SRGAP1: variants seen among roughly 807,000 people sequenced by gnomAD.
SRGAP1 encodes the protein SLIT-ROBO Rho GTPase-activating protein 1.
SRGAP1 carries 43 observed loss-of-function variants against 121.9 expected under a neutral mutation model. That is an observed-to-expected ratio of 0.35 (90% CI 0.28 to 0.46). The LOEUF is 0.46. SRGAP1 is among the 20% of genes least tolerant of loss of function. The probability of loss-of-function intolerance (pLI) is 1.00; values close to 1 mark genes in which losing one functional copy is unlikely to be tolerated. For synonymous variants in SRGAP1, 447 were observed against 485.4 expected, an observed-to-expected ratio of 0.92 and a Z score of 1.04; for missense variants, 1,102 against 1,350.9, an observed-to-expected ratio of 0.82 and a Z score of 2.89.
At chr12:63,948,220 A>G (rs995787495) in intron 1 of SRGAP1, among the ~76,000 whole-genome samples, 1 of 152,190 alleles carries the variant, frequency 6.6e-6, no homozygotes, top group Non-Finnish European at 1.5e-5. Flanking sequence ...AGTTACCATT[A>G]TCACCATCCT....
At position 63,948,857 on chromosome 12, in the gene SRGAP1, T is replaced by TATATATATTCCATATATATATTTTCC. The variant is rs2032144077; in HGVS notation, c.68-35081_68-35056dup. The stretch of plus-strand genomic sequence containing the variant: ...ATATTCCATATATATATTTTCCATA[T>TATATATATTCCATATATATATTTTCC]ATATATATTCCATATATATATTTTC... On this transcript the variant is annotated intron_variant, in intron 1 of 21. Transcript: ENST00000355086. Among the ~76,000 whole-genome samples the TATATATATTCCATATATATATTTTCC allele has an allele frequency of 5.2e-5, 7 of 135,902 alleles. 1 individual carries two copies. The highest frequency in any genetic ancestry group is 9.5e-5 in the Non-Finnish European group (6 of 63,316). The allele number at this position is 135,902 out of a possible 152,430, so 89.2% of individuals were successfully genotyped here. A position where few individuals can be genotyped will look rare whatever the true frequency, so the allele number is the denominator to read the frequency against.
chr12:64,114,800 C>T (rs1436582790), intron 17 of SRGAP1, among the ~76,000 whole-genome samples: 2 of 152,174 alleles, frequency 1.3e-5, no homozygotes, highest in African/African-American at 4.8e-5. Flanking sequence ...GAGTAAAGCT[C>T]CCATGACAGT....
chr12:64,078,833 C>T, intron 8 of SRGAP1, 86 bp from the exon 9 acceptor site: 1 of 1,426,526 alleles, frequency 7.0e-7, no homozygotes, highest in Non-Finnish European at 9.6e-7. Flanking sequence ...CCTGTGTCCT[C>T]ATCTCTACCT....
intron 6 of SRGAP1, among the ~76,000 whole-genome samples, chr12:64,045,137 A>G (rs1175047242): frequency 1.3e-5 from 2 of 152,290 alleles, no homozygotes; most frequent in East Asian, 3.9e-4. Context: ...TCATTCAAGT[A>G]ATCACTTGAT....
chr12:63,977,745 T>A (rs1199099051), intron 1 of SRGAP1, among the ~76,000 whole-genome samples: 1 of 152,186 alleles, frequency 6.6e-6, no homozygotes, highest in Non-Finnish European at 1.5e-5. Context: ...CTTGTTGGAT[T>A]ATTGGTATTG....
intron 1 of SRGAP1, among the ~76,000 whole-genome samples, chr12:63,919,527 T>TATATATATATATATATATATATATAA (rs1238483459): frequency 6.8e-6 from 1 of 146,376 alleles, no homozygotes. Context: ...TATATACACA[T>TATATATATATATATATATATATATAA]ACACACACAC....
intron 1 of SRGAP1, among the ~76,000 whole-genome samples, chr12:63,862,857 C>T (rs1213999396): frequency 1.3e-5 from 2 of 152,146 alleles, no homozygotes; most frequent in African/African-American, 4.8e-5. Flanking sequence ...AATTATAATC[C>T]TCAAGCACCA....
intron 1 of SRGAP1, among the ~76,000 whole-genome samples, chr12:63,868,330 G>A (rs550929480): frequency 2.0e-5 from 3 of 151,814 alleles, no homozygotes; most frequent in Non-Finnish European, 4.4e-5. Flanking sequence ...TGATCCGCCC[G>A]CCTCAGCCTC....
intron 1 of SRGAP1, among the ~76,000 whole-genome samples, chr12:63,902,408 A>C (rs1215723233): frequency 6.6e-6 from 1 of 152,204 alleles, no homozygotes; most frequent in East Asian, 1.9e-4. Flanking sequence ...TGAAGCTCAA[A>C]GAGATTAATC....
At chr12:64,003,929 CAAAG>C (rs1192201186) in intron 3 of SRGAP1, among the ~76,000 whole-genome samples, 1 of 151,888 alleles carries the variant, frequency 6.6e-6, no homozygotes, top group Non-Finnish European at 1.5e-5. Context: ...AAACTAAAGA[CAAAG>C]AAAAAAATAT....
chr12:64,132,733 A>G (rs1270373997), intron 21 of SRGAP1, among the ~76,000 whole-genome samples: 1 of 152,268 alleles, frequency 6.6e-6, no homozygotes, highest in African/African-American at 2.4e-5. Context: ...TCCAGTCAGC[A>G]TAATGTCATC....
chr12:63,916,302 G>A (rs900499118), intron 1 of SRGAP1, among the ~76,000 whole-genome samples: 5 of 152,098 alleles, frequency 3.3e-5, no homozygotes, highest in African/African-American at 1.2e-4. Context: ...TGGGATTACA[G>A]GCATGAGCCA....
rs1235778965 is a variant in SRGAP1, at chr12:64,155,820, A to T, written c.*13148A>T. On this transcript the variant is annotated 3_prime_UTR_variant, in exon 22 of 22. Transcript: ENST00000355086. ...GCTAATTTTTTTGTATTTTTAGTAC[A>T]GCCGGGGTTTCGCCATGTTGGCCAG... 2 of 152,068 alleles carry T rather than the reference A, an allele frequency of 1.3e-5. No individual in the cohort carries two copies. Among genetic ancestry groups the T allele is most frequent in the African/African-American group, 4.8e-5 (2 of 41,414 alleles). 9.4% of individuals were successfully genotyped at this position (152,068 alleles called of 1,614,324 possible).
chr12:64,069,959 A>T (rs1268180515), intron 8 of SRGAP1, among the ~76,000 whole-genome samples: 1 of 152,032 alleles, frequency 6.6e-6, no homozygotes, highest in Non-Finnish European at 1.5e-5. Flanking sequence ...GGCCGGTTGA[A>T]CTCCTGGGCT....
At chr12:63,994,243 T>C (rs2033631890) in intron 3 of SRGAP1, among the ~76,000 whole-genome samples, 2 of 152,208 alleles carry the variant, frequency 1.3e-5, no homozygotes, top group South Asian at 2.1e-4. Context: ...GCACTTATTC[T>C]ATATACCTAC....
At chr12:63,922,271 A>T (rs893113690) in intron 1 of SRGAP1, among the ~76,000 whole-genome samples, 9 of 152,094 alleles carry the variant, frequency 5.9e-5, no homozygotes, top group African/African-American at 2.2e-4. Flanking sequence ...GAGCTACTGC[A>T]CCTGGCCCAA....
At chr12:64,130,676 C>A (rs1452982606) in intron 21 of SRGAP1, among the ~76,000 whole-genome samples, 3 of 152,138 alleles carry the variant, frequency 2.0e-5, no homozygotes, top group African/African-American at 7.2e-5. Context: ...TGGTAAGACC[C>A]ATGAATTCCA....
At chr12:63,918,684 T>C (rs2030901744) in intron 1 of SRGAP1, among the ~76,000 whole-genome samples, 1 of 152,258 alleles carries the variant, frequency 6.6e-6, no homozygotes, top group Non-Finnish European at 1.5e-5. Context: ...CCTAAAGTGC[T>C]GGGATTACAG....
At chr12:63,959,632 A>C (rs1035784587) in intron 1 of SRGAP1, among the ~76,000 whole-genome samples, 4 of 152,150 alleles carry the variant, frequency 2.6e-5, no homozygotes, top group Non-Finnish European at 4.4e-5. Context: ...TATTAGTAAT[A>C]AACAGTATGT....
Sources: gnomAD v4.1 joint callset for allele counts (sites outside exome capture counted in the v4.1 genomes callset) on GRCh38, gnomAD v4.1.1 for gene constraint, MANE v1.5 for transcripts, NCBI Gene and HGNC (gene_info 2026-07-23, HGNC 2026-07-21) for gene names.